Variants in ADAMTS6 observed in about 807,000 individuals in gnomAD.
The protein encoded by ADAMTS6 is ADAM metallopeptidase with thrombospondin type 1 motif 6.
Under a neutral mutation model 144.3 loss-of-function variants are expected in ADAMTS6, and 23 were observed. That is an observed-to-expected ratio of 0.16 (90% CI 0.11 to 0.23). ADAMTS6 has a LOEUF of 0.23. ADAMTS6 is among the 10% of genes least tolerant of loss of function. The pLI is 1.00. For synonymous variants in ADAMTS6, 444 were observed against 457.5 expected (o/e 0.97, Z 0.38); for missense variants, 999 against 1,379.6 (o/e 0.72, Z 4.37).
rs1270071193 is a variant in ADAMTS6 at position 65,150,801 on chromosome 5, G to GGTCT, written c.*1031_*1034dup. 10 of 152,590 alleles carry GGTCT rather than the reference G, an allele frequency of 6.6e-5. No homozygotes were observed. Among genetic ancestry groups the GGTCT allele is most frequent in the Non-Finnish European group, 1.2e-4 (8 of 68,050 alleles). The allele number at this position is 152,590 out of a possible 1,614,324, so 9.5% of individuals were successfully genotyped here. The stretch of plus-strand genomic sequence containing the variant: ...CGTAATTGTCAACAAACTGCAAAAG[G>GGTCT]GTCTGCCTGGTTACCGAGCCAGTCT... On this transcript the variant is annotated 3_prime_UTR_variant, in exon 25 of 25. Transcript: ENST00000381055.
chr5:65,422,799 TA>T (rs1756181242), intron 7 of ADAMTS6, among the ~76,000 whole-genome samples: 1 of 152,152 alleles, frequency 6.6e-6, no homozygotes, highest in Non-Finnish European at 1.5e-5. Context: ...ACTGGGTATC[TA>T]CCCAAAGGAA....
intron 18 of ADAMTS6, among the ~76,000 whole-genome samples, chr5:65,215,844 G>A (rs745909155): frequency 6.6e-6 from 1 of 152,140 alleles, no homozygotes; most frequent in Non-Finnish European, 1.5e-5. Context: ...AAATGGATAT[G>A]GGGTGGGGAC....
chr5:65,173,954 G>A (rs886844066), intron 22 of ADAMTS6, among the ~76,000 whole-genome samples: 6 of 151,244 alleles, frequency 4.0e-5, no homozygotes, highest in Admixed American at 1.3e-4. Flanking sequence ...ACCAGGAGGC[G>A]GAGGTTGCAG....
intron 24 of ADAMTS6, among the ~76,000 whole-genome samples, chr5:65,168,227 C>T (rs1430292877): frequency 6.7e-6 from 1 of 148,244 alleles, no homozygotes; most frequent in Non-Finnish European, 1.5e-5. Flanking sequence ...ACAAGCATTC[C>T]TATACACCAA....
Position 65,452,921 on chromosome 5 carries a change from A to G in ADAMTS6, c.632-3T>C, listed in dbSNP as rs201372333. 5.1e-5 allele frequency: 82 copies of G among 1,612,738 alleles called. No individual in the cohort carries two copies. Among genetic ancestry groups the G allele is most frequent in the Admixed American group, 3.2e-4 (19 of 59,920 alleles). On this transcript the variant is annotated splice_polypyrimidine_tract_variant and splice_region_variant and intron_variant, in intron 4 of 24. Transcript: ENST00000381055. The stretch of plus-strand genomic sequence containing the variant: ...AGGTTTGCCACTTCTTGTGAAATCT[A>G]CAATAAAAGCAGCCAATTCAGATAG...
At chr5:65,211,649 A>G (rs568034658) in intron 20 of ADAMTS6, among the ~76,000 whole-genome samples, 1 of 152,204 alleles carries the variant, frequency 6.6e-6, no homozygotes, top group South Asian at 2.1e-4. Context: ...CAAAAAAAAC[A>G]AAGTAAAAAA....
chr5:65,474,690 T>C (rs1395212623), intron 1 of ADAMTS6, among the ~76,000 whole-genome samples: 1 of 150,892 alleles, frequency 6.6e-6, no homozygotes, highest in African/African-American at 2.4e-5. Context: ...CATTCACACT[T>C]GATACAGAAT....
Position 65,206,893 on chromosome 5 carries a change from C to T in ADAMTS6, c.2575+7901G>A, listed in dbSNP as rs149547879. ...AAATACACACACACACAGACTCATA[C>T]ATTAGGCTTAAAATGACATTCAGGG... On this transcript the variant is annotated intron_variant, in intron 20 of 24. Transcript: ENST00000381055. Among the ~76,000 whole-genome samples, 878 of 149,950 alleles carry T rather than the reference C, an allele frequency of 5.9e-3. 10 individuals are homozygous for T. Among genetic ancestry groups the T allele is most frequent in the African/African-American group, 0.021 (846 of 40,684 alleles).
chr5:65,448,791 T>A (rs905680955), intron 7 of ADAMTS6, among the ~76,000 whole-genome samples: 5 of 151,990 alleles, frequency 3.3e-5, no homozygotes, highest in Admixed American at 2.0e-4. Flanking sequence ...TTCTCCCTAG[T>A]AAGGTGACAT....
Position 65,344,841 on chromosome 5 carries a change from C to T in ADAMTS6, c.1074-10756G>A, listed in dbSNP as rs546609961. Reference sequence around the variant, plus strand: ...ATGTCATCTGACTATGCTATTCATGCTATCTGGCTCACTTTTCTACTGACT... The same window carrying T: ...ATGTCATCTGACTATGCTATTCATGTTATCTGGCTCACTTTTCTACTGACT... On this transcript the variant is annotated intron_variant, in intron 7 of 24. Coordinates refer to ENST00000381055, the MANE Select transcript of ADAMTS6 (RefSeq NM_197941.4). 2.0e-5 allele frequency among the ~76,000 whole-genome samples: 3 copies of T among 151,884 alleles called. No homozygotes were observed. In the South Asian group the frequency reaches 6.2e-4, roughly 32 times the overall value.
chr5:65,241,150 T>C (rs1759144010), intron 15 of ADAMTS6, among the ~76,000 whole-genome samples: 1 of 152,044 alleles, frequency 6.6e-6, no homozygotes. Context: ...AAATATAAAG[T>C]TGTCACTATA....
At chr5:65,259,385 CAAACAAACA>C (rs1760968561) in intron 14 of ADAMTS6, among the ~76,000 whole-genome samples, 1 of 113,816 alleles carries the variant, frequency 8.8e-6, no homozygotes, top group Non-Finnish European at 2.0e-5. Flanking sequence ...CTCAAACAAA[CAAACAAACA>C]AACAAACAAA....
At chr5:65,169,218 G>A (rs1753433034) in intron 24 of ADAMTS6, among the ~76,000 whole-genome samples, 1 of 54,770 alleles carries the variant, frequency 1.8e-5, no homozygotes, top group African/African-American at 1.1e-4. Flanking sequence ...ATCAAAAAGT[G>A]GGCAAAGGAC....
chr5:65,269,091 T>C (rs538325886), intron 12 of ADAMTS6, among the ~76,000 whole-genome samples: 1 of 152,330 alleles, frequency 6.6e-6, no homozygotes, highest in East Asian at 1.9e-4. Context: ...AACTCATGCT[T>C]ATACTCTCTA....
rs562334435 is a variant in ADAMTS6, at chr5:65,161,385, A to G, written c.3244+9232T>C. The stretch of plus-strand genomic sequence containing the variant: ...TGTTATCCGTCCATTCCATATCTCT[A>G]TGGATTAAAACTTGTAATTCAGCTC... On this transcript the variant is annotated intron_variant, in intron 24 of 24. Coordinates refer to ENST00000381055, the MANE Select transcript of ADAMTS6 (RefSeq NM_197941.4). 9.3e-4 allele frequency among the ~76,000 whole-genome samples: 142 copies of G among 152,248 alleles called. 1 individual carries two copies. The highest frequency in any genetic ancestry group is 3.3e-3 in the African/African-American group (137 of 41,522).
chr5:65,425,299 A>G (rs534624440), intron 7 of ADAMTS6, among the ~76,000 whole-genome samples: 9 of 152,320 alleles, frequency 5.9e-5, no homozygotes, highest in Admixed American at 5.2e-4. Context: ...AACTGCTGGG[A>G]TTACATGCGT....
At chr5:65,235,730 A>G (rs1040351871) in intron 15 of ADAMTS6, among the ~76,000 whole-genome samples, 1 of 151,904 alleles carries the variant, frequency 6.6e-6, no homozygotes, top group African/African-American at 2.4e-5. Flanking sequence ...TAGATGGCCT[A>G]TTGTGGGACC....
intron 3 of ADAMTS6, among the ~76,000 whole-genome samples, chr5:65,468,533 C>T (rs909224575): frequency 9.2e-5 from 14 of 151,756 alleles, no homozygotes; most frequent in African/African-American, 3.1e-4. Flanking sequence ...CTCACAAATT[C>T]CTTACGAACT....
chr5:65,289,042 C>T (rs550517056), intron 11 of ADAMTS6, among the ~76,000 whole-genome samples: 1 of 152,274 alleles, frequency 6.6e-6, no homozygotes, highest in Admixed American at 6.5e-5. Context: ...ACATATTGCA[C>T]TTAAACAAAT....
Sources: allele counts gnomAD v4.1 joint callset (sites outside exome capture counted in the v4.1 genomes callset), GRCh38; gene constraint gnomAD v4.1.1; transcripts MANE v1.5; gene names NCBI Gene and HGNC (gene_info 2026-07-23, HGNC 2026-07-21).